The following LRP1B variants were observed in gnomAD, a reference collection of about 807,000 sequenced individuals.
The protein encoded by LRP1B is LDL receptor related protein 1B, also known as low-density lipoprotein receptor-related protein 1B.
LRP1B carries 217 observed loss-of-function variants against 556.6 expected under a neutral mutation model. That is an observed-to-expected ratio of 0.39 (90% CI 0.35 to 0.44). LRP1B has a LOEUF of 0.44. Among genes scored for constraint, LRP1B ranks in the 20% least tolerant of loss-of-function variants. The pLI is 1.00. For missense variants in LRP1B, 5,053 were observed against 5,620.8 expected (o/e 0.90, Z 3.23); for synonymous variants, 2,047 against 1,865.8 (o/e 1.10, Z -2.50).
intron 81 of LRP1B, among the ~76,000 whole-genome samples, chr2:140,323,109 G>A (rs191938883): frequency 1.5e-3 from 230 of 152,038 alleles, no homozygotes; most frequent in Non-Finnish European, 2.7e-3. Context: ...CACCAAACAA[G>A]ATAAAATCCA....
At chr2:141,892,704 GA>G (rs1334320442) in intron 1 of LRP1B, among the ~76,000 whole-genome samples, 1 of 152,072 alleles carries the variant, frequency 6.6e-6, no homozygotes, top group Non-Finnish European at 1.5e-5. Context: ...ACAAGTTGAG[GA>G]AAAAAGTAAC....
intron 59 of LRP1B, 61 bp from the exon 60 acceptor site, chr2:140,475,398 A>G: frequency 7.8e-7 from 1 of 1,275,398 alleles, no homozygotes; most frequent in Non-Finnish European, 1.1e-6. Context: ...AACAACAAAC[A>G]ATATATTACT....
intron 69 of LRP1B, among the ~76,000 whole-genome samples, chr2:140,372,687 T>C (rs1424452497): frequency 6.6e-6 from 1 of 152,126 alleles, no homozygotes; most frequent in Non-Finnish European, 1.5e-5. Context: ...TATCTTTTAC[T>C]GTACTTTTAA....
At chr2:141,028,261 C>T (rs112467711) in intron 11 of LRP1B, among the ~76,000 whole-genome samples, 2,325 of 151,108 alleles carry the variant, frequency 0.015, 71 homozygotes, top group African/African-American at 0.053. Flanking sequence ...TAAATAAATA[C>T]TTATGATTCC....
At chr2:140,335,360 A>G (rs1309407909) in intron 78 of LRP1B, among the ~76,000 whole-genome samples, 3 of 151,974 alleles carry the variant, frequency 2.0e-5, no homozygotes, top group Non-Finnish European at 4.4e-5. Flanking sequence ...CACACATATA[A>G]CCATGCACAG....
At chr2:141,509,266 A>G (rs111721258) in intron 2 of LRP1B, among the ~76,000 whole-genome samples, 75 of 152,336 alleles carry the variant, frequency 4.9e-4, no homozygotes, top group African/African-American at 1.6e-3. Context: ...GAAAATGAAC[A>G]GATATTCATC....
chr2:140,838,999 T>G (rs1692011791), intron 31 of LRP1B, among the ~76,000 whole-genome samples: 1 of 152,164 alleles, frequency 6.6e-6, no homozygotes, highest in Non-Finnish European at 1.5e-5. Flanking sequence ...AGCTGATGAT[T>G]TGCAATGGTT....
At chr2:141,502,739 G>C (rs1683766401) in intron 2 of LRP1B, among the ~76,000 whole-genome samples, 1 of 151,804 alleles carries the variant, frequency 6.6e-6, no homozygotes, top group Non-Finnish European at 1.5e-5. Flanking sequence ...CGTTCCTGTA[G>C]TCCCAGCTAC....
chr2:140,316,069 T>G (rs1463787551), intron 82 of LRP1B, among the ~76,000 whole-genome samples: 1 of 152,270 alleles, frequency 6.6e-6, no homozygotes, highest in Non-Finnish European at 1.5e-5. Context: ...GTATAATTTA[T>G]GATAAAGATA....
chr2:141,442,035 T>A (rs774570869), intron 3 of LRP1B, among the ~76,000 whole-genome samples: 5 of 152,148 alleles, frequency 3.3e-5, no homozygotes, highest in Non-Finnish European at 5.9e-5. Context: ...CTACCCAAAT[T>A]TTGAATCTTT....
At chr2:141,482,883 T>G (rs1220195685) in intron 2 of LRP1B, among the ~76,000 whole-genome samples, 1 of 152,090 alleles carries the variant, frequency 6.6e-6, no homozygotes, top group East Asian at 1.9e-4. Flanking sequence ...ACTTCAGAAA[T>G]GTTATAGTCA....
At chr2:140,977,217 A>G (rs907561094) in intron 18 of LRP1B, among the ~76,000 whole-genome samples, 1 of 152,150 alleles carries the variant, frequency 6.6e-6, no homozygotes, top group Non-Finnish European at 1.5e-5. Context: ...TGTTCTCATT[A>G]TAACGAATAA....
At chr2:141,441,534 A>T (rs1680968372) in intron 3 of LRP1B, among the ~76,000 whole-genome samples, 4 of 152,346 alleles carry the variant, frequency 2.6e-5, no homozygotes, top group Admixed American at 6.5e-5. Context: ...TTTGTTTTAT[A>T]CTTTAAGAGA....
chr2:142,001,503 A>G (rs1157073709), intron 1 of LRP1B, among the ~76,000 whole-genome samples: 2 of 152,174 alleles, frequency 1.3e-5, no homozygotes, highest in Non-Finnish European at 2.9e-5. Flanking sequence ...CATGCTACTC[A>G]ATGGACTGAT....
At chr2:140,547,872 T>G (rs1467451448) in intron 43 of LRP1B, among the ~76,000 whole-genome samples, 1 of 151,952 alleles carries the variant, frequency 6.6e-6, no homozygotes, top group Non-Finnish European at 1.5e-5. Context: ...AAATATAATT[T>G]TTTAAATAAA....
chr2:141,174,109 T>C (rs978493006), intron 7 of LRP1B, among the ~76,000 whole-genome samples: 2 of 152,030 alleles, frequency 1.3e-5, no homozygotes, highest in Non-Finnish European at 2.9e-5. Flanking sequence ...GATAAGCTAA[T>C]GTGTATTTAA....
Position 140,937,671 on chromosome 2 carries a change from CAGTATT to C in LRP1B, c.3136+12558_3136+12563del, listed in dbSNP as rs550136229. Among the ~76,000 whole-genome samples the C allele has an allele frequency of 1.4e-4, 21 of 151,986 alleles. No individual in the cohort carries two copies. In the South Asian group the frequency reaches 4.0e-3, roughly 29 times the overall value. On this transcript the variant is annotated intron_variant, in intron 20 of 90. Transcript: ENST00000389484. The stretch of plus-strand genomic sequence containing the variant: ...AAAGAAACAGAAGAGGTGACTGAGT[CAGTATT>C]TGTATTTATGTACAGTATTTATTGG...
rs1298381889 is a variant in LRP1B, at chr2:140,705,553, A to C, written c.6024-3000T>G. Among the ~76,000 whole-genome samples the C allele has an allele frequency of 4.3e-3, 609 of 141,868 alleles. 10 individuals are homozygous for C. Among genetic ancestry groups the C allele is most frequent in the African/African-American group, 0.015 (582 of 38,876 alleles). 93.1% of individuals were successfully genotyped at this position (141,868 alleles called of 152,430 possible). On this transcript the variant is annotated intron_variant, in intron 37 of 90. Coordinates refer to ENST00000389484, the MANE Select transcript of LRP1B (RefSeq NM_018557.3). The stretch of plus-strand genomic sequence containing the variant: ...AAAAAAAAAAAAAAAAAAAAAAAAA[A>C]AAAAAAACACAGACACACACAGAAA...
chr2:141,244,858 C>T (rs1340661783), intron 5 of LRP1B, among the ~76,000 whole-genome samples: 3 of 151,942 alleles, frequency 2.0e-5, no homozygotes, highest in African/African-American at 4.8e-5. Context: ...ATGGTAACTG[C>T]ATATTTTTCA....
Sources: allele counts gnomAD v4.1 joint callset (sites outside exome capture counted in the v4.1 genomes callset), GRCh38; gene constraint gnomAD v4.1.1; transcripts MANE v1.5; gene names NCBI Gene and HGNC (gene_info 2026-07-23, HGNC 2026-07-21).